Variants in NME7 observed in about 807,000 individuals in gnomAD.
The protein encoded by NME7 is nucleoside diphosphate kinase 7.
NME7 carries 41 observed loss-of-function variants against 49.1 expected under a neutral mutation model. The observed-to-expected ratio is 0.83, with a 90% CI of 0.65 to 1.08. The LOEUF is 1.08. NME7 is among the 50% of genes least tolerant of loss of function. The pLI, the probability that NME7 is intolerant of heterozygous loss-of-function variation, is 0.00. For synonymous variants in NME7, 139 were observed against 150.6 expected (o/e 0.92, Z 0.56); for missense variants, 423 against 463.4 (o/e 0.91, Z 0.80).
At chr1:169,219,199 G>A in intron 10 of NME7, among the ~76,000 whole-genome samples, 1 of 152,142 alleles carries the variant, frequency 6.6e-6, no homozygotes, top group South Asian at 2.1e-4. Context: ...TTCCTTCAGA[G>A]TAAAATCAGT....
intron 11 of NME7, among the ~76,000 whole-genome samples, chr1:169,149,767 T>C (rs1015406363): frequency 2.6e-5 from 4 of 152,202 alleles, no homozygotes; most frequent in African/African-American, 9.7e-5. Flanking sequence ...CTCAGAATGG[T>C]GTGTAATTTA....
intron 10 of NME7, among the ~76,000 whole-genome samples, chr1:169,193,814 T>C (rs1018463389): frequency 3.9e-5 from 6 of 152,012 alleles, no homozygotes; most frequent in Admixed American, 1.3e-4. Flanking sequence ...AACGAACATA[T>C]TTATTCTAAG....
At chr1:169,284,353 C>A (rs1444246199) in intron 7 of NME7, 1 of 151,968 alleles carries the variant, frequency 6.6e-6, no homozygotes, top group Non-Finnish European at 1.5e-5. Flanking sequence ...TTGACTTCAG[C>A]TTTTTTTCAT....
chr1:169,213,390 T>C (rs1343655076), intron 10 of NME7, among the ~76,000 whole-genome samples: 3 of 151,988 alleles, frequency 2.0e-5, no homozygotes, highest in Non-Finnish European at 2.9e-5. Flanking sequence ...ATCTCACCCA[T>C]AGTACTACAG....
chr1:169,246,863 G>A (rs563226737), intron 7 of NME7: 8 of 360,074 alleles, frequency 2.2e-5, no homozygotes, highest in East Asian at 7.5e-5. Flanking sequence ...ACAGGCATAA[G>A]CCACTGCATC....
chr1:169,246,183 G>A (rs1648304898), intron 7 of NME7, among the ~76,000 whole-genome samples: 1 of 152,168 alleles, frequency 6.6e-6, no homozygotes, highest in Non-Finnish European at 1.5e-5. Context: ...GTGTGTGCCT[G>A]TAGTCCCAGA....
At chr1:169,291,479 A>C (rs1650499463) in intron 6 of NME7, among the ~76,000 whole-genome samples, 1 of 151,916 alleles carries the variant, frequency 6.6e-6, no homozygotes, top group African/African-American at 2.4e-5. Flanking sequence ...AAGGAGGGGA[A>C]CATCACACAC....
At chr1:169,289,076 T>C (rs747028359) in intron 6 of NME7, among the ~76,000 whole-genome samples, 6 of 152,152 alleles carry the variant, frequency 3.9e-5, no homozygotes, top group South Asian at 2.1e-4. Flanking sequence ...CACAACCAAT[T>C]AGGTTTTCAT....
At chr1:169,135,675 G>A (rs1242285796) in intron 11 of NME7, among the ~76,000 whole-genome samples, 1 of 152,096 alleles carries the variant, frequency 6.6e-6, no homozygotes, top group East Asian at 1.9e-4. Flanking sequence ...AAATAGATAA[G>A]CCTGTTATTC....
At chr1:169,178,763 GAA>G (rs984880172) in intron 10 of NME7, among the ~76,000 whole-genome samples, 5 of 150,406 alleles carry the variant, frequency 3.3e-5, no homozygotes, top group Non-Finnish European at 7.4e-5. Flanking sequence ...CTGCTCTATT[GAA>G]ATTGCTCCCT....
intron 9 of NME7, among the ~76,000 whole-genome samples, chr1:169,232,557 G>T (rs1571311202): frequency 2.1e-5 from 1 of 47,912 alleles, no homozygotes; most frequent in South Asian, 4.0e-4. Context: ...CCAGGGTGTT[G>T]GGGGGGGGGC....
intron 7 of NME7, among the ~76,000 whole-genome samples, chr1:169,258,148 G>T (rs1042013394): frequency 2.3e-5 from 3 of 129,320 alleles, no homozygotes; most frequent in African/African-American, 7.8e-5. Flanking sequence ...GGCCAGCCTG[G>T]GAACCATAGT....
chr1:169,306,659 A>G (rs923005509), intron 4 of NME7, among the ~76,000 whole-genome samples: 1 of 152,180 alleles, frequency 6.6e-6, no homozygotes, highest in African/African-American at 2.4e-5. Context: ...GAATTCATCT[A>G]TAAGTAAGTG....
chr1:169,139,316 A>T (rs972136665), intron 11 of NME7, among the ~76,000 whole-genome samples: 2 of 152,218 alleles, frequency 1.3e-5, no homozygotes, highest in Non-Finnish European at 2.9e-5. Context: ...CACCTTTATG[A>T]CATTGGTATT....
At chr1:169,187,170 G>A (rs942297130) in intron 10 of NME7, among the ~76,000 whole-genome samples, 11 of 152,016 alleles carry the variant, frequency 7.2e-5, no homozygotes, top group Non-Finnish European at 1.6e-4. Context: ...AGTGTTTTAT[G>A]TATAACTATG....
At chr1:169,190,595 T>G (rs1184524127) in intron 10 of NME7, 1 of 421,686 alleles carries the variant, frequency 2.4e-6, no homozygotes, top group Non-Finnish European at 4.7e-6. Context: ...ACAATGAAAG[T>G]GTTATTTTTA....
intron 10 of NME7, among the ~76,000 whole-genome samples, chr1:169,183,245 C>T (rs528868320): frequency 6.6e-6 from 1 of 152,310 alleles, no homozygotes; most frequent in East Asian, 1.9e-4. Flanking sequence ...CCCCAAAGAA[C>T]TACTTAATCT....
At chr1:169,297,974 A>G (rs1650775963) in intron 6 of NME7, among the ~76,000 whole-genome samples, 2 of 152,222 alleles carry the variant, frequency 1.3e-5, no homozygotes, top group South Asian at 4.1e-4. Flanking sequence ...ATATTGTTTC[A>G]TTGCAAACAC....
chr1:169,213,143 T>G (rs1660879536), intron 10 of NME7, among the ~76,000 whole-genome samples: 1 of 152,018 alleles, frequency 6.6e-6, no homozygotes, highest in Admixed American at 6.6e-5. Context: ...TGGCCATGAG[T>G]TCAATGTTAC....
Sources: allele counts gnomAD v4.1 joint callset (sites outside exome capture counted in the v4.1 genomes callset), GRCh38; gene constraint gnomAD v4.1.1; transcripts MANE v1.5; gene names NCBI Gene and HGNC (gene_info 2026-07-23, HGNC 2026-07-21).